Variants in LOC122539214 observed in about 807,000 individuals in gnomAD.
At chr19:52,650,956 G>C in the LOC122539214 span, 1 of 152,142 alleles carries the variant, frequency 6.6e-6, no homozygotes, top group African/African-American at 2.4e-5. Context: ...AACTCCCAGG[G>C]AAACAGTGAA....
At chr19:52,688,714 A>C in the LOC122539214 span, among the ~76,000 whole-genome samples, 3 of 152,088 alleles carry the variant, frequency 2.0e-5, no homozygotes, top group African/African-American at 4.8e-5. Context: ...ATCATCCTCT[A>C]TCTCTATATG....
At chr19:52,653,965 T>C in the LOC122539214 span, 2 of 1,308,504 alleles carry the variant, frequency 1.5e-6, no homozygotes, top group African/African-American at 2.9e-5. Flanking sequence ...GAGAAAGTTC[T>C]TCCCATACCT....
At chr19:52,653,413 G>A in the LOC122539214 span, 1 of 861,574 alleles carries the variant, frequency 1.2e-6, no homozygotes, top group Non-Finnish European at 1.9e-6. Flanking sequence ...TTTCTCTTCA[G>A]TATGAACTCT....
the LOC122539214 span, among the ~76,000 whole-genome samples, chr19:52,662,339 C>G: frequency 0.43 from 65,700 of 151,784 alleles, 14,426 homozygotes; most frequent in East Asian, 0.56. Flanking sequence ...TGGAAATGTG[C>G]ATTTGGAGAC....
the LOC122539214 span, among the ~76,000 whole-genome samples, chr19:52,669,433 C>T: frequency 6.6e-6 from 1 of 152,178 alleles, no homozygotes; most frequent in Non-Finnish European, 1.5e-5. Context: ...ATTAATTACA[C>T]TAGAGATGCT....
the LOC122539214 span, among the ~76,000 whole-genome samples, chr19:52,666,915 T>G: frequency 1.3e-5 from 2 of 151,658 alleles, no homozygotes; most frequent in Non-Finnish European, 2.9e-5. Context: ...AGAAGCAGAG[T>G]TAGGAAAATT....
the LOC122539214 span, chr19:52,652,945 T>C: frequency 1.2e-5 from 15 of 1,231,520 alleles, no homozygotes; most frequent in Non-Finnish European, 1.8e-5. Flanking sequence ...GGATGACATA[T>C]GACTGAAGGT....
At chr19:52,680,682 G>A in the LOC122539214 span, among the ~76,000 whole-genome samples, 317 of 130,076 alleles carry the variant, frequency 2.4e-3, no homozygotes, top group African/African-American at 6.6e-3. Flanking sequence ...GCGCGATCTC[G>A]GCTCACTGCA....
chr19:52,688,343 T>A, the LOC122539214 span, among the ~76,000 whole-genome samples: 1 of 151,804 alleles, frequency 6.6e-6, no homozygotes, highest in African/African-American at 2.4e-5. Flanking sequence ...ATTAATTTTT[T>A]TTTTTTTTTG....
the LOC122539214 span, among the ~76,000 whole-genome samples, chr19:52,676,090 C>G: frequency 6.6e-6 from 1 of 152,162 alleles, no homozygotes. Flanking sequence ...GCCTGATTCT[C>G]CTGCCTCAGC....
At chr19:52,650,638 G>T in the LOC122539214 span, 1 of 152,112 alleles carries the variant, frequency 6.6e-6, no homozygotes, top group Non-Finnish European at 1.5e-5. Context: ...TTGTTTATTA[G>T]AAGAACTTCA....
the LOC122539214 span, among the ~76,000 whole-genome samples, chr19:52,660,454 A>AGGCCGGGCGCGGTGGCTCACGC: frequency 6.6e-6 from 1 of 151,732 alleles, no homozygotes; most frequent in African/African-American, 2.4e-5. Flanking sequence ...TCCTGTCTCT[A>AGGCCGGGCGCGGTGGCTCACGC]TTAAAAATAC....
chr19:52,664,634 C>T, the LOC122539214 span, among the ~76,000 whole-genome samples: 1 of 151,702 alleles, frequency 6.6e-6, no homozygotes, highest in Non-Finnish European at 1.5e-5. Flanking sequence ...AAAGCCAGGA[C>T]TGGGGGGTGG....
At chr19:52,667,832 T>C in the LOC122539214 span, among the ~76,000 whole-genome samples, 2 of 152,074 alleles carry the variant, frequency 1.3e-5, no homozygotes, top group Non-Finnish European at 2.9e-5. Context: ...GTCTACAAGG[T>C]TTTATTAAAA....
chr19:52,670,571 T>A, the LOC122539214 span, among the ~76,000 whole-genome samples: 425 of 152,362 alleles, frequency 2.8e-3, 1 homozygote, highest in African/African-American at 9.4e-3. Flanking sequence ...AAATGAGTTA[T>A]ATTTGTCATG....
chr19:52,679,011 A>C, the LOC122539214 span, among the ~76,000 whole-genome samples: 1 of 151,940 alleles, frequency 6.6e-6, no homozygotes, highest in Non-Finnish European at 1.5e-5. Context: ...AAATATAGGG[A>C]TTTCATTCAA....
the LOC122539214 span, among the ~76,000 whole-genome samples, chr19:52,670,326 G>A: frequency 2.0e-5 from 3 of 152,118 alleles, no homozygotes; most frequent in African/African-American, 7.2e-5. Flanking sequence ...ATTGGAATTA[G>A]ATTAGCCTGT....
At chr19:52,656,232 A>C in the LOC122539214 span, among the ~76,000 whole-genome samples, 103 of 151,762 alleles carry the variant, frequency 6.8e-4, no homozygotes, top group African/African-American at 1.5e-3. Flanking sequence ...CTCTCTATAT[A>C]TATATATAGC....
the LOC122539214 span, among the ~76,000 whole-genome samples, chr19:52,658,169 A>C: frequency 6.6e-6 from 1 of 151,886 alleles, no homozygotes; most frequent in Non-Finnish European, 1.5e-5. Context: ...GAATAGGAAA[A>C]GAAACAACAA....
Sources: gnomAD v4.1 joint callset for allele counts (sites outside exome capture counted in the v4.1 genomes callset) on GRCh38, gnomAD v4.1.1 for gene constraint, MANE v1.5 for transcripts.